KCNIP4: variants seen among roughly 807,000 people sequenced by gnomAD.
The protein encoded by KCNIP4 is potassium voltage-gated channel interacting protein 4, also known as Kv channel-interacting protein 4.
In KCNIP4, 12 loss-of-function variants were observed where a neutral mutation model predicts 34.0. That is an observed-to-expected ratio of 0.35 (90% CI 0.23 to 0.57). The LOEUF (loss-of-function observed/expected upper bound fraction) is 0.57. KCNIP4 is among the 20% of genes least tolerant of loss of function. The probability of loss-of-function intolerance (pLI) is 0.83; values close to 1 mark genes in which losing one functional copy is unlikely to be tolerated. For synonymous variants in KCNIP4, 124 were observed against 102.2 expected (o/e 1.21, Z -1.29); for missense variants, 238 against 311.7 (o/e 0.76, Z 1.78).
At chr4:21,531,245 T>C (rs1195516180) in intron 1 of KCNIP4, among the ~76,000 whole-genome samples, 3 of 151,968 alleles carry the variant, frequency 2.0e-5, no homozygotes, top group Non-Finnish European at 4.4e-5. Context: ...ACAGAGGAAA[T>C]TGGGAAGTAG....
chr4:21,867,685 G>A (rs1321755740), intron 1 of KCNIP4, among the ~76,000 whole-genome samples: 3 of 152,206 alleles, frequency 2.0e-5, no homozygotes, highest in Admixed American at 6.5e-5. Context: ...ATGGAAAAAC[G>A]GTTCTCACCA....
chr4:21,895,374 C>CCCTTTA (rs1727326941), intron 1 of KCNIP4, among the ~76,000 whole-genome samples: 1 of 152,122 alleles, frequency 6.6e-6, no homozygotes, highest in Non-Finnish European at 1.5e-5. Context: ...CTGTGAACAA[C>CCCTTTA]AGAGTTGCTT....
chr4:21,187,432 C>T (rs1755316058), intron 1 of KCNIP4, among the ~76,000 whole-genome samples: 1 of 152,232 alleles, frequency 6.6e-6, no homozygotes, highest in Non-Finnish European at 1.5e-5. Flanking sequence ...TTGTAAAGTG[C>T]TGTAACCTCT....
intron 1 of KCNIP4, among the ~76,000 whole-genome samples, chr4:21,895,264 G>C (rs923941904): frequency 2.6e-5 from 4 of 152,160 alleles, no homozygotes; most frequent in African/African-American, 9.7e-5. Flanking sequence ...GTCAAAATGA[G>C]ACAGACAACT....
At chr4:21,947,480 G>C (rs1465954059) in intron 1 of KCNIP4, among the ~76,000 whole-genome samples, 2 of 152,126 alleles carry the variant, frequency 1.3e-5, no homozygotes, top group Non-Finnish European at 2.9e-5. Flanking sequence ...CGGTTACGAT[G>C]ACCTTAACTA....
At chr4:21,375,630 G>T (rs544134225) in intron 1 of KCNIP4, among the ~76,000 whole-genome samples, 1 of 150,712 alleles carries the variant, frequency 6.6e-6, no homozygotes, top group Non-Finnish European at 1.5e-5. Context: ...GCAGTGGTGC[G>T]ATCTCTGCTC....
intron 1 of KCNIP4, among the ~76,000 whole-genome samples, chr4:21,947,868 A>C (rs754020625): frequency 6.6e-6 from 1 of 152,178 alleles, no homozygotes; most frequent in East Asian, 1.9e-4. Context: ...ATCGTCTCCT[A>C]TTTCTCTATG....
intron 3 of KCNIP4, among the ~76,000 whole-genome samples, chr4:20,811,450 A>AT (rs144498497): frequency 0.027 from 4,046 of 152,072 alleles, 92 homozygotes; most frequent in South Asian, 0.082. Context: ...AGTATCCCAG[A>AT]TGATTCTGAT....
chr4:20,857,597 G>A (rs1379866317), intron 2 of KCNIP4, among the ~76,000 whole-genome samples: 1 of 152,044 alleles, frequency 6.6e-6, no homozygotes, highest in African/African-American at 2.4e-5. Context: ...ATATATATGG[G>A]TTTCCATATA....
intron 1 of KCNIP4, among the ~76,000 whole-genome samples, chr4:20,968,532 G>A (rs1734607274): frequency 6.6e-6 from 1 of 152,190 alleles, no homozygotes; most frequent in Middle Eastern, 3.4e-3. Context: ...CAACCCAAAT[G>A]TCCATCAATG....
intron 1 of KCNIP4, among the ~76,000 whole-genome samples, chr4:21,792,572 A>C (rs1029966740): frequency 6.6e-6 from 1 of 152,190 alleles, no homozygotes; most frequent in African/African-American, 2.4e-5. Context: ...CTAGATGGAG[A>C]ATAAGCATAA....
chr4:21,030,662 T>C (rs1740946284), intron 1 of KCNIP4, among the ~76,000 whole-genome samples: 1 of 152,180 alleles, frequency 6.6e-6, no homozygotes, highest in South Asian at 2.1e-4. Flanking sequence ...GTTCAGGACT[T>C]ACGCATGTTG....
At chr4:21,422,492 G>T (rs533631425) in intron 1 of KCNIP4, among the ~76,000 whole-genome samples, 13 of 152,058 alleles carry the variant, frequency 8.5e-5, no homozygotes, top group Non-Finnish European at 1.8e-4. Flanking sequence ...GAGCCACCGA[G>T]CCTGGCCCAC....
chr4:20,995,471 A>C (rs77543577), intron 1 of KCNIP4, among the ~76,000 whole-genome samples: 3,934 of 152,232 alleles, frequency 0.026, 160 homozygotes, highest in African/African-American at 0.085. Context: ...TTGACCAATA[A>C]ACTGTGATCC....
chr4:21,948,566 C>T lies in KCNIP4; in HGVS notation c.61+5G>A. ...GCGCCCGCTCGCAAGCTTATTGCATCCTACCGCCTGTAGAGCTGGCCTCCT... is the reference window on the plus strand; with the variant it reads ...GCGCCCGCTCGCAAGCTTATTGCATTCTACCGCCTGTAGAGCTGGCCTCCT... On this transcript the variant is annotated splice_donor_5th_base_variant and intron_variant, in intron 1 of 8. Coordinates refer to ENST00000382152, the MANE Select transcript of KCNIP4 (RefSeq NM_025221.6). 1 of 1,613,124 alleles carries T rather than the reference C, an allele frequency of 6.2e-7. No individual in the cohort carries two copies.
At chr4:20,835,307 T>C (rs1718903771) in intron 3 of KCNIP4, among the ~76,000 whole-genome samples, 1 of 151,938 alleles carries the variant, frequency 6.6e-6, no homozygotes, top group Non-Finnish European at 1.5e-5. Flanking sequence ...CTAAATCCTT[T>C]TGTCTCTTTT....
At chr4:20,754,482 A>G (rs1044565352) in intron 4 of KCNIP4, among the ~76,000 whole-genome samples, 1 of 152,222 alleles carries the variant, frequency 6.6e-6, no homozygotes, top group African/African-American at 2.4e-5. Flanking sequence ...TTCGCCTGCC[A>G]TCAGAGATCA....
chr4:21,367,124 A>G (rs1270826964), intron 1 of KCNIP4, among the ~76,000 whole-genome samples: 1 of 152,142 alleles, frequency 6.6e-6, no homozygotes, highest in Non-Finnish European at 1.5e-5. Flanking sequence ...CTTATCAGAC[A>G]CTGAATCTGC....
At chr4:21,212,029 T>C (rs1757255254) in intron 1 of KCNIP4, among the ~76,000 whole-genome samples, 1 of 152,186 alleles carries the variant, frequency 6.6e-6, no homozygotes, top group South Asian at 2.1e-4. Flanking sequence ...GATGCTTCCC[T>C]CTCAGATGGC....
Sources: gnomAD v4.1 joint callset for allele counts (sites outside exome capture counted in the v4.1 genomes callset) on GRCh38, gnomAD v4.1.1 for gene constraint, MANE v1.5 for transcripts, NCBI Gene and HGNC (gene_info 2026-07-23, HGNC 2026-07-21) for gene names.